Variants in ADAM23 observed in about 807,000 individuals in gnomAD.
ADAM23 encodes disintegrin and metalloproteinase domain-containing protein 23.
In ADAM23, 33 loss-of-function variants were observed where a neutral mutation model predicts 120.1. The observed-to-expected ratio is 0.27, with a 90% CI of 0.21 to 0.37. The LOEUF is 0.37. Among genes scored for constraint, ADAM23 ranks in the 10% least tolerant of loss-of-function variants. The pLI, the probability that ADAM23 is intolerant of heterozygous loss-of-function variation, is 1.00. For missense variants in ADAM23, 862 were observed against 1,058.2 expected, an observed-to-expected ratio of 0.81 and a Z score of 2.57; for synonymous variants, 367 against 375.2, an observed-to-expected ratio of 0.98 and a Z score of 0.25.
intron 9 of ADAM23, among the ~76,000 whole-genome samples, chr2:206,555,865 A>T (rs1476413488): frequency 6.6e-6 from 1 of 152,188 alleles, no homozygotes; most frequent in Non-Finnish European, 1.5e-5. Context: ...ATCATCCCAG[A>T]GGAACTTAAT....
intron 18 of ADAM23, among the ~76,000 whole-genome samples, chr2:206,580,097 C>G (rs1698194079): frequency 6.6e-6 from 1 of 151,624 alleles, no homozygotes; most frequent in Non-Finnish European, 1.5e-5. Flanking sequence ...ATTCTTTTAT[C>G]AGTTCTAGGA....
intron 2 of ADAM23, among the ~76,000 whole-genome samples, chr2:206,476,204 T>C (rs1244675859): frequency 1.3e-5 from 2 of 152,202 alleles, no homozygotes; most frequent in African/African-American, 4.8e-5. Flanking sequence ...TTACCTCTGT[T>C]TGTAAAACAT....
chr2:206,459,615 C>CT (rs1695372021), intron 2 of ADAM23, among the ~76,000 whole-genome samples: 1 of 152,182 alleles, frequency 6.6e-6, no homozygotes, highest in Non-Finnish European at 1.5e-5. Context: ...AAAGCATAAT[C>CT]TCTTCCTTGA....
intron 7 of ADAM23, among the ~76,000 whole-genome samples, chr2:206,548,061 A>G (rs1697435470): frequency 6.6e-6 from 1 of 152,256 alleles, no homozygotes; most frequent in African/African-American, 2.4e-5. Flanking sequence ...TGCATCTTCT[A>G]ATGAATCTTG....
chr2:206,606,122 G>A (rs1698724899), intron 24 of ADAM23, among the ~76,000 whole-genome samples: 1 of 152,152 alleles, frequency 6.6e-6, no homozygotes, highest in African/African-American at 2.4e-5. Context: ...TCATAATTAA[G>A]GCAATAGTCC....
intron 7 of ADAM23, 67 bp from the exon 8 acceptor site, chr2:206,548,214 A>G: frequency 7.0e-7 from 1 of 1,428,264 alleles, no homozygotes; most frequent in South Asian, 1.2e-5. Flanking sequence ...TTCTTCATGT[A>G]ATATTTTAAA....
intron 2 of ADAM23, among the ~76,000 whole-genome samples, chr2:206,477,900 ATATAT>A (rs1695813486): frequency 8.8e-6 from 1 of 113,778 alleles, no homozygotes. Flanking sequence ...AAAAAAAAAT[ATATAT>A]ATATATATAT....
chr2:206,484,494 G>A (rs1695964366), intron 3 of ADAM23, among the ~76,000 whole-genome samples: 1 of 152,180 alleles, frequency 6.6e-6, no homozygotes, highest in South Asian at 2.1e-4. Context: ...GAAGGAGGCA[G>A]ACTGTAGTGT....
At chr2:206,529,971 G>T (rs1464575583) in intron 3 of ADAM23, among the ~76,000 whole-genome samples, 1 of 151,936 alleles carries the variant, frequency 6.6e-6, no homozygotes, top group Non-Finnish European at 1.5e-5. Context: ...GCCACCACGC[G>T]CGGCTAATTT....
In ADAM23 at chr2:206,617,900, A is replaced by G; in HGVS notation, c.*273A>G. 1 of 426,768 alleles carries G rather than the reference A, an allele frequency of 2.3e-6. No homozygotes were observed. The highest frequency in any genetic ancestry group is 3.8e-6 in the Non-Finnish European group (1 of 262,508). The allele number at this position is 426,768 out of a possible 1,614,324, so 26.4% of individuals were successfully genotyped here. On this transcript the variant is annotated 3_prime_UTR_variant, in exon 26 of 26. Transcript: ENST00000264377. ...CTGTTCCAGAATCTTTTTTTTCCCT[A>G]ATGGACGAAGGAACAACACACACAC... is the stretch of plus-strand genomic sequence containing the variant.
chr2:206,462,935 C>T (rs1332906907), intron 2 of ADAM23, among the ~76,000 whole-genome samples: 6 of 152,192 alleles, frequency 3.9e-5, no homozygotes, highest in East Asian at 3.9e-4. Flanking sequence ...CTCTGGAAGA[C>T]GGACTGGATG....
At chr2:206,522,587 A>G (rs1376443980) in intron 3 of ADAM23, among the ~76,000 whole-genome samples, 1 of 152,194 alleles carries the variant, frequency 6.6e-6, no homozygotes, top group Admixed American at 6.5e-5. Flanking sequence ...CTGATCATGG[A>G]TCCTCTTCTG....
chr2:206,550,272 C>T (rs927134926), intron 9 of ADAM23, 112 bp downstream of exon 9: 36 of 522,516 alleles, frequency 6.9e-5, no homozygotes, highest in Admixed American at 1.3e-4. Context: ...GATATTCAGA[C>T]ATATTAAGTG....
intron 18 of ADAM23, among the ~76,000 whole-genome samples, chr2:206,574,154 A>C (rs1698066047): frequency 6.6e-6 from 1 of 152,196 alleles, no homozygotes; most frequent in Non-Finnish European, 1.5e-5. Flanking sequence ...GCACTTCTGC[A>C]GTGTTAACAA....
chr2:206,609,330 A>G (rs1164150196), intron 24 of ADAM23, among the ~76,000 whole-genome samples: 1 of 152,138 alleles, frequency 6.6e-6, no homozygotes, highest in Non-Finnish European at 1.5e-5. Flanking sequence ...GGTCTTTACC[A>G]CTGTAAGGAT....
intron 24 of ADAM23, among the ~76,000 whole-genome samples, chr2:206,596,761 G>A (rs977587552): frequency 3.3e-5 from 5 of 152,060 alleles, no homozygotes; most frequent in African/African-American, 1.2e-4. Context: ...CTCTATTTTC[G>A]CAGATGAGAA....
chr2:206,517,944 C>G lies in ADAM23; in HGVS notation c.510-12941C>G, dbSNP rs115256218. On this transcript the variant is annotated intron_variant, in intron 3 of 25. Coordinates refer to ENST00000264377, the MANE Select transcript of ADAM23 (RefSeq NM_003812.4). The stretch of plus-strand genomic sequence containing the variant: ...TAAATAGAATAGTTTCTCTCTTTTT[C>G]TGTGTCAGTCTCTTTGGGATTTGGC... 3.4e-3 allele frequency among the ~76,000 whole-genome samples: 511 copies of G among 152,260 alleles called. 3 individuals carry two copies. Among genetic ancestry groups the G allele is most frequent in the African/African-American group, 0.012 (480 of 41,566 alleles).
chr2:206,609,854 G>A, intron 24 of ADAM23, 56 bp from the exon 25 acceptor site: 1 of 1,446,608 alleles, frequency 6.9e-7, no homozygotes, highest in Non-Finnish European at 9.4e-7. Context: ...CCTTTCCCTT[G>A]TGGTAACGAA....
intron 3 of ADAM23, among the ~76,000 whole-genome samples, chr2:206,495,565 A>T (rs1403521397): frequency 6.8e-6 from 1 of 146,824 alleles, no homozygotes; most frequent in Non-Finnish European, 1.5e-5. Context: ...TGTAAAGACC[A>T]TCAAGGCTAG....
Sources: gnomAD v4.1 joint callset for allele counts (sites outside exome capture counted in the v4.1 genomes callset) on GRCh38, gnomAD v4.1.1 for gene constraint, MANE v1.5 for transcripts, NCBI Gene and HGNC (gene_info 2026-07-23, HGNC 2026-07-21) for gene names.